CELF2: variants seen among roughly 807,000 people sequenced by gnomAD.
The protein encoded by CELF2 is CUGBP Elav-like family member 2.
In CELF2, 8 loss-of-function variants were observed where a neutral mutation model predicts 62.6. That is an observed-to-expected ratio of 0.13 (90% CI 0.07 to 0.23). The LOEUF (loss-of-function observed/expected upper bound fraction) is 0.23, where lower values mean the gene tolerates loss of function less well. Ranked by LOEUF, CELF2 falls within the 10% of genes least tolerant of loss-of-function variation. CELF2 has a pLI of 1.00. For missense variants in CELF2, 333 were observed against 671.0 expected (o/e 0.50, Z 5.56); for synonymous variants, 258 against 250.0 (o/e 1.03, Z -0.30).
At chr10:10,832,325 A>C (rs2057936247) in intron 1 of CELF2, among the ~76,000 whole-genome samples, 1 of 152,310 alleles carries the variant, frequency 6.6e-6, no homozygotes, top group South Asian at 2.1e-4. Context: ...GAGAAGAACA[A>C]TTTGGAGAAC....
At chr10:11,067,937 G>T (rs1030759128) in intron 1 of CELF2, among the ~76,000 whole-genome samples, 5 of 152,206 alleles carry the variant, frequency 3.3e-5, no homozygotes, top group Non-Finnish European at 5.9e-5. Flanking sequence ...ATCCCAGTAG[G>T]TACTTAGTAA....
chr10:11,210,865 G>A (rs924977652), intron 2 of CELF2, among the ~76,000 whole-genome samples: 5 of 152,136 alleles, frequency 3.3e-5, no homozygotes, highest in African/African-American at 1.2e-4. Context: ...TGATCATTGC[G>A]CTTTGCATGT....
the CELF2 span, among the ~76,000 whole-genome samples, chr10:10,577,483 A>G: frequency 7.3e-5 from 11 of 151,568 alleles, no homozygotes; most frequent in African/African-American, 2.7e-4. Context: ...AGCATTAGGT[A>G]TATCTCCTAA....
At chr10:10,611,413 A>T in the CELF2 span, among the ~76,000 whole-genome samples, 1 of 152,142 alleles carries the variant, frequency 6.6e-6, no homozygotes, top group African/African-American at 2.4e-5. Flanking sequence ...CTGCCACCCC[A>T]GATAAATTTA....
the CELF2 span, among the ~76,000 whole-genome samples, chr10:10,671,931 T>C: frequency 3.3e-5 from 5 of 152,122 alleles, no homozygotes; most frequent in African/African-American, 1.2e-4. Context: ...GCTTTCCCCA[T>C]GTTGGCCAGG....
intron 1 of CELF2, among the ~76,000 whole-genome samples, chr10:11,116,243 C>G (rs1322728408): frequency 1.3e-5 from 2 of 152,176 alleles, no homozygotes; most frequent in African/African-American, 2.4e-5. Context: ...CAGTGAATGG[C>G]CAAGACTTAA....
chr10:11,293,621 G>A (rs1187896011), intron 9 of CELF2, among the ~76,000 whole-genome samples: 2 of 152,128 alleles, frequency 1.3e-5, no homozygotes, highest in African/African-American at 2.4e-5. Context: ...GGGCACACTC[G>A]GCCTCCCTTC....
chr10:10,976,899 C>T (rs934902876), intron 2 of CELF2, among the ~76,000 whole-genome samples: 3 of 152,188 alleles, frequency 2.0e-5, no homozygotes, highest in Non-Finnish European at 4.4e-5. Context: ...TTGTGCATTT[C>T]CAGATAACCC....
intron 1 of CELF2, chr10:11,071,473 A>G (rs915627238): frequency 3.9e-5 from 6 of 152,244 alleles, no homozygotes; most frequent in African/African-American, 1.4e-4. Flanking sequence ...CTGAGGCTAC[A>G]CATTTCCTGA....
At chr10:10,691,154 C>G in the CELF2 span, among the ~76,000 whole-genome samples, 8 of 149,372 alleles carry the variant, frequency 5.4e-5, no homozygotes, top group African/African-American at 2.0e-4. Context: ...TATCCCTCCC[C>G]TCTCCCCCCA....
At chr10:10,790,573 AAG>A in the CELF2 span, among the ~76,000 whole-genome samples, 3 of 152,128 alleles carry the variant, frequency 2.0e-5, no homozygotes. Context: ...TTTACAAAGA[AAG>A]ATATTACGGC....
At chr10:10,830,084 C>T (rs1411910419) in intron 1 of CELF2, among the ~76,000 whole-genome samples, 1 of 148,268 alleles carries the variant, frequency 6.7e-6, no homozygotes, top group African/African-American at 2.5e-5. Flanking sequence ...AAAAGTTAAA[C>T]TATAGGCAGT....
At chr10:11,140,390 G>A (rs76880202) in intron 1 of CELF2, among the ~76,000 whole-genome samples, 5,927 of 151,936 alleles carry the variant, frequency 0.039, 137 homozygotes, top group Middle Eastern at 0.048. Flanking sequence ...ACAGGAGTGA[G>A]TCACCATGCC....
chr10:10,798,878 C>T lies in CELF2; in HGVS notation c.53+61C>T, dbSNP rs557980597. ...GAGTTCATAGCCAAGGCCCTGCTCC[C>T]GCCCCACACCTGTGCAGAAGTGGTT... On this transcript the variant is annotated intron_variant, in intron 1 of 13. Coordinates refer to the CELF2 transcript ENST00000636488. 6.1e-4 allele frequency: 242 copies of T among 398,886 alleles called. 4 individuals are homozygous for T. In the South Asian group the frequency reaches 0.029, roughly 47 times the overall value. 24.7% of individuals were successfully genotyped at this position (398,886 alleles called of 1,614,324 possible).
the CELF2 span, among the ~76,000 whole-genome samples, chr10:10,740,588 C>CA: frequency 2.6e-5 from 4 of 151,606 alleles, no homozygotes; most frequent in African/African-American, 9.7e-5. Flanking sequence ...CCCGCCCTCC[C>CA]AAAAAAAAGA....
At chr10:10,477,074 A>G in the CELF2 span, among the ~76,000 whole-genome samples, 2 of 152,200 alleles carry the variant, frequency 1.3e-5, no homozygotes, top group Non-Finnish European at 2.9e-5. Context: ...ATCTGTACAA[A>G]TGCAGAAGGA....
At chr10:10,545,928 A>T in the CELF2 span, among the ~76,000 whole-genome samples, 2 of 152,110 alleles carry the variant, frequency 1.3e-5, no homozygotes, top group Admixed American at 1.3e-4. Flanking sequence ...AAGCACCAAG[A>T]CACGTGGGGA....
At chr10:10,514,500 C>T in the CELF2 span, among the ~76,000 whole-genome samples, 1 of 152,190 alleles carries the variant, frequency 6.6e-6, no homozygotes, top group Non-Finnish European at 1.5e-5. Context: ...CAAGAAACAG[C>T]AAGCGCAAAG....
chr10:10,525,088 A>T, the CELF2 span, among the ~76,000 whole-genome samples: 2 of 152,188 alleles, frequency 1.3e-5, no homozygotes, highest in Non-Finnish European at 2.9e-5. Flanking sequence ...GAATGATTAA[A>T]TCAATCTAAT....
Sources: gnomAD v4.1 joint callset for allele counts (sites outside exome capture counted in the v4.1 genomes callset) on GRCh38, gnomAD v4.1.1 for gene constraint, MANE v1.5 for transcripts, NCBI Gene and HGNC (gene_info 2026-07-23, HGNC 2026-07-21) for gene names.